The following LRRTM4 variants were observed in gnomAD, a reference collection of about 807,000 sequenced individuals.
LRRTM4 encodes leucine-rich repeat transmembrane neuronal protein 4.
Under a neutral mutation model 47.6 loss-of-function variants are expected in LRRTM4, and 25 were observed. That is an observed-to-expected ratio of 0.53 (90% CI 0.38 to 0.73). LRRTM4 has a LOEUF of 0.73. Ranked by LOEUF, LRRTM4 falls within the 30% of genes least tolerant of loss-of-function variation. The pLI is 0.00. For missense variants in LRRTM4, 638 were observed against 713.4 expected (o/e 0.89, Z 1.20); for synonymous variants, 311 against 269.5 (o/e 1.15, Z -1.51).
At chr2:76,798,117 A>T (rs1675451180) in intron 3 of LRRTM4, among the ~76,000 whole-genome samples, 1 of 152,032 alleles carries the variant, frequency 6.6e-6, no homozygotes, top group Admixed American at 6.5e-5. Context: ...ACATCTACTG[A>T]ACTCTCCACA....
chr2:77,320,137 CCCTCCCTTTT>C (rs149306735), intron 3 of LRRTM4, among the ~76,000 whole-genome samples: 8,097 of 152,104 alleles, frequency 0.053, 302 homozygotes, highest in African/African-American at 0.097. Context: ...GAGGCCTCTG[CCCTCCCTTTT>C]CCTTACTAAT....
At chr2:76,914,496 T>A (rs1237068772) in intron 3 of LRRTM4, among the ~76,000 whole-genome samples, 1 of 152,110 alleles carries the variant, frequency 6.6e-6, no homozygotes, top group Non-Finnish European at 1.5e-5. Context: ...CATATTTTGT[T>A]TATGTAATAA....
intron 3 of LRRTM4, among the ~76,000 whole-genome samples, chr2:77,210,993 T>C (rs2103922309): frequency 6.6e-6 from 1 of 152,232 alleles, no homozygotes; most frequent in African/African-American, 2.4e-5. Context: ...GTAGTCACTG[T>C]ACGCTAATGA....
intron 3 of LRRTM4, among the ~76,000 whole-genome samples, chr2:77,486,168 T>G (rs1677903296): frequency 6.6e-6 from 1 of 152,224 alleles, no homozygotes; most frequent in Non-Finnish European, 1.5e-5. Context: ...TGCTTCACAT[T>G]GATTGGAATA....
In LRRTM4 at chr2:77,196,840, A is replaced by G. The variant is rs554079624; in HGVS notation, c.1551+321478T>C. On this transcript the variant is annotated intron_variant, in intron 3 of 3. Transcript: ENST00000409884. The stretch of plus-strand genomic sequence containing the variant: ...GTTTAGTACCAAGAACAATATAAGT[A>G]TGGGAAATAAACCATTTTAAAAATA... Among the ~76,000 whole-genome samples the G allele has an allele frequency of 1.1e-3, 161 of 152,346 alleles. 1 individual carries two copies. Among genetic ancestry groups the G allele is most frequent in the African/African-American group, 3.7e-3 (153 of 41,592 alleles).
chr2:77,149,469 G>A (rs897503003), intron 3 of LRRTM4, among the ~76,000 whole-genome samples: 1 of 152,150 alleles, frequency 6.6e-6, no homozygotes, highest in Admixed American at 6.5e-5. Context: ...AGAAGCAAAG[G>A]CTCCCGAGGT....
chr2:76,837,812 C>G (rs574409267), intron 3 of LRRTM4, among the ~76,000 whole-genome samples: 1 of 152,144 alleles, frequency 6.6e-6, no homozygotes, highest in South Asian at 2.1e-4. Flanking sequence ...TGGAAATCAT[C>G]ATTCTCAGTA....
intron 3 of LRRTM4, among the ~76,000 whole-genome samples, chr2:76,878,659 A>C (rs1672843881): frequency 6.6e-6 from 1 of 152,144 alleles, no homozygotes; most frequent in African/African-American, 2.4e-5. Flanking sequence ...ACCTGAGGTC[A>C]GGTGTTCAAG....
chr2:76,943,938 G>A lies in LRRTM4; in HGVS notation c.1552-195022C>T, dbSNP rs182811294. Among the ~76,000 whole-genome samples, 48 of 152,170 alleles carry A rather than the reference G, an allele frequency of 3.2e-4. No individual in the cohort carries two copies. The East Asian group carries it at 5.0e-3, about 16-fold the overall frequency. ...TCATACTTGGGGCCATTATCCTAGT[G>A]CCATTATCCTCTTGTTTGGACTATT... is the stretch of plus-strand genomic sequence containing the variant. On this transcript the variant is annotated intron_variant, in intron 3 of 3. Coordinates refer to ENST00000409884, the MANE Select transcript of LRRTM4 (RefSeq NM_001134745.3).
chr2:76,967,324 C>A (rs943161158), intron 3 of LRRTM4, among the ~76,000 whole-genome samples: 1 of 150,136 alleles, frequency 6.7e-6, no homozygotes, highest in African/African-American at 2.5e-5. Flanking sequence ...TCTCTAGCTG[C>A]ACAGTCATTA....
intron 3 of LRRTM4, among the ~76,000 whole-genome samples, chr2:77,120,335 C>T (rs1671493394): frequency 6.6e-6 from 1 of 151,678 alleles, no homozygotes; most frequent in Non-Finnish European, 1.5e-5. Context: ...AGAAAATTAT[C>T]ACATAGATTG....
At chr2:76,928,009 G>A (rs1181184379) in intron 3 of LRRTM4, among the ~76,000 whole-genome samples, 1 of 152,122 alleles carries the variant, frequency 6.6e-6, no homozygotes, top group Non-Finnish European at 1.5e-5. Context: ...TGTAAAATAC[G>A]TGTCCCAATT....
At chr2:76,888,080 TATAC>T (rs1375787100) in intron 3 of LRRTM4, among the ~76,000 whole-genome samples, 1 of 150,536 alleles carries the variant, frequency 6.6e-6, no homozygotes, top group Non-Finnish European at 1.5e-5. Flanking sequence ...TATACATATA[TATAC>T]ATATATAGTG....
At chr2:77,276,439 AAAAG>A (rs1177660324) in intron 3 of LRRTM4, among the ~76,000 whole-genome samples, 3 of 150,734 alleles carry the variant, frequency 2.0e-5, no homozygotes, top group East Asian at 3.9e-4. Context: ...AAAGGAAGAA[AAAAG>A]AAAGGAAAGA....
At chr2:77,380,159 A>C (rs1573336145) in intron 3 of LRRTM4, among the ~76,000 whole-genome samples, 1 of 152,318 alleles carries the variant, frequency 6.6e-6, no homozygotes, top group East Asian at 1.9e-4. Context: ...CAACTATTGC[A>C]TGGGAATCTA....
At chr2:77,037,509 A>G (rs551571951) in intron 3 of LRRTM4, among the ~76,000 whole-genome samples, 7 of 151,764 alleles carry the variant, frequency 4.6e-5, no homozygotes, top group African/African-American at 1.7e-4. Context: ...TTACTTGCAA[A>G]CATAAAAAAA....
intron 3 of LRRTM4, among the ~76,000 whole-genome samples, chr2:77,437,128 C>T (rs894117551): frequency 6.6e-6 from 1 of 151,922 alleles, no homozygotes; most frequent in African/African-American, 2.4e-5. Flanking sequence ...GATGACCTTT[C>T]AATATTGGTC....
intron 3 of LRRTM4, among the ~76,000 whole-genome samples, chr2:77,012,081 G>T (rs1344228946): frequency 6.6e-6 from 1 of 151,952 alleles, no homozygotes. Flanking sequence ...CAAATCTCAC[G>T]CAAAATGTTG....
intron 3 of LRRTM4, among the ~76,000 whole-genome samples, chr2:76,820,215 T>C (rs993315336): frequency 6.6e-6 from 1 of 151,864 alleles, no homozygotes; most frequent in African/African-American, 2.4e-5. Context: ...TGACTACTCT[T>C]TCAGTCTTTG....
Sources: gnomAD v4.1 joint callset for allele counts (sites outside exome capture counted in the v4.1 genomes callset) on GRCh38, gnomAD v4.1.1 for gene constraint, MANE v1.5 for transcripts, NCBI Gene and HGNC (gene_info 2026-07-23, HGNC 2026-07-21) for gene names.